Variants in CREBBP observed in about 807,000 individuals in gnomAD.
The protein encoded by CREBBP is CREB-binding protein.
Under a neutral mutation model 265.0 loss-of-function variants are expected in CREBBP, and 19 were observed. That is an observed-to-expected ratio of 0.07 (90% confidence interval 0.05 to 0.11). The LOEUF is 0.11. CREBBP is among the 10% of genes least tolerant of loss of function. The pLI is 1.00. For missense variants in CREBBP, 2,525 were observed against 3,219.0 expected, an observed-to-expected ratio of 0.78 and a Z score of 5.22; for synonymous variants, 1,457 against 1,223.7, an observed-to-expected ratio of 1.19 and a Z score of -3.98.
chr16:3,850,437 T>C lies in CREBBP; in HGVS notation c.658A>G (p.Arg220Gly). ...GTAGGGTACGGCATTCCAGCTCCCC[T>C]TCCTCTGCCAGCAGCCCCAAGAGAT... The part of the protein sequence containing the change: ...NGSLGAAGRG[R>G]GAGMPYPTPA... Residue 220 changes from arginine (R) to glycine (G), a missense_variant, in exon 2 of 31, where the codon AGG (arginine) becomes GGG (glycine). Transcript: ENST00000262367. 6.2e-7 allele frequency: 1 copy of C among 1,614,232 alleles called. No individual in the cohort carries two copies. The highest frequency in any genetic ancestry group is 8.5e-7 in the Non-Finnish European group (1 of 1,180,036).
In CREBBP at chr16:3,729,674, C is replaced by G. The variant is rs749762107; in HGVS notation, c.5373G>C (p.Ser1791=). The G allele has an allele frequency of 6.2e-7, 1 of 1,613,462 alleles. No individual in the cohort carries two copies. Among genetic ancestry groups the G allele is most frequent in the Admixed American group, 1.7e-5 (1 of 60,022 alleles). Residue 1791 remains serine, a synonymous_variant, in exon 31 of 31, where the codon TCG becomes TCC. Coordinates refer to ENST00000262367, the MANE Select transcript of CREBBP (RefSeq NM_004380.3). ...HACQCRNANC[S]LPSCQKMKRV... ...GCTTCATCTTCTGGCAGGATGGCAG[C>G]GAGCAGTTGGCGTTGCGGCACTGGC...
intron 5 of CREBBP, among the ~76,000 whole-genome samples, chr16:3,790,597 G>A (rs574449831): frequency 2.0e-5 from 3 of 152,118 alleles, no homozygotes; most frequent in South Asian, 4.2e-4. Flanking sequence ...TGATCTGCCC[G>A]CCTCGGCCTC....
At chr16:3,830,375 T>A (rs998071524) in intron 2 of CREBBP, among the ~76,000 whole-genome samples, 1 of 151,982 alleles carries the variant, frequency 6.6e-6, no homozygotes, top group East Asian at 1.9e-4. Flanking sequence ...GGACTGCAGC[T>A]TAGGTGAGAG....
intron 20 of CREBBP, 105 bp from the exon 21 acceptor site, chr16:3,749,788 A>C: frequency 1.4e-6 from 1 of 718,568 alleles, no homozygotes; most frequent in Non-Finnish European, 2.4e-6. Context: ...CTTCAAACAA[A>C]AAGACATGAT....
chr16:3,774,771 TAAGTAA>T (rs1475082798), intron 11 of CREBBP, 78 bp from the exon 12 acceptor site: 2 of 1,570,654 alleles, frequency 1.3e-6, no homozygotes, highest in East Asian at 4.5e-5. Context: ...AATAAACTCT[TAAGTAA>T]AATAAGATGG....
chr16:3,849,443 GTGT>G (rs1567360512), intron 2 of CREBBP, among the ~76,000 whole-genome samples: 489 of 20,038 alleles, frequency 0.024, 35 homozygotes, highest in East Asian at 0.076. Context: ...GTGTGTGTGT[GTGT>G]GTGTGTGTGT....
chr16:3,753,738 A>T (rs545379105), intron 19 of CREBBP, among the ~76,000 whole-genome samples: 41 of 152,198 alleles, frequency 2.7e-4, no homozygotes, highest in African/African-American at 9.6e-4. Context: ...ATACACAAAA[A>T]AGACATTCCC....
chr16:3,849,444 T>TGTGTGTGTGTGTG lies in CREBBP; in HGVS notation c.798+840_798+852dup, dbSNP rs2054766542. 8.0e-4 allele frequency among the ~76,000 whole-genome samples: 20 copies of TGTGTGTGTGTGTG among 24,878 alleles called. 2 individuals are homozygous for TGTGTGTGTGTGTG. The highest frequency in any genetic ancestry group is 4.9e-3 in the East Asian group (2 of 408). 16.3% of individuals were successfully genotyped at this position (24,878 alleles called of 152,430 possible). A position where few individuals can be genotyped will look rare whatever the true frequency, so the allele number is the denominator to read the frequency against. On this transcript the variant is annotated intron_variant, in intron 2 of 30. Coordinates refer to ENST00000262367, the MANE Select transcript of CREBBP (RefSeq NM_004380.3). ...GTGTGTGTGTGTGTGTGTGTGTGTG[T>TGTGTGTGTGTGTG]GTGTGTGTGTGTGTGTGTGTGTGTG...
chr16:3,809,841 G>A (rs1055640538), intron 3 of CREBBP, among the ~76,000 whole-genome samples: 3 of 151,828 alleles, frequency 2.0e-5, no homozygotes. Flanking sequence ...AATCACTATG[G>A]CAGCTGGGAA....
intron 1 of CREBBP, 99 bp from the exon 2 acceptor site, chr16:3,851,108 C>A: frequency 1.0e-6 from 1 of 961,392 alleles, no homozygotes; most frequent in Non-Finnish European, 1.6e-6. Context: ...GCATTCAGCA[C>A]GAACACTAGC....
At chr16:3,818,931 C>G (rs1433290489) in intron 2 of CREBBP, among the ~76,000 whole-genome samples, 1 of 152,248 alleles carries the variant, frequency 6.6e-6, no homozygotes, top group Non-Finnish European at 1.5e-5. Context: ...GAGAACTCAG[C>G]AGACGCTCCC....
intron 3 of CREBBP, among the ~76,000 whole-genome samples, chr16:3,800,509 T>A (rs763656393): frequency 2.6e-5 from 4 of 152,112 alleles, no homozygotes; most frequent in Non-Finnish European, 5.9e-5. Flanking sequence ...TTTTCCCAAT[T>A]TTTCCAAAAT....
chr16:3,776,008 C>T (rs1317970065), intron 11 of CREBBP, among the ~76,000 whole-genome samples: 1 of 152,032 alleles, frequency 6.6e-6, no homozygotes, highest in Non-Finnish European at 1.5e-5. Flanking sequence ...CCTCCGCCTC[C>T]TGGGTTCAAG....
At chr16:3,750,598 T>C (rs554337472) in intron 20 of CREBBP, among the ~76,000 whole-genome samples, 47 of 152,362 alleles carry the variant, frequency 3.1e-4, no homozygotes, top group Non-Finnish European at 5.9e-4. Flanking sequence ...TGCCACACAG[T>C]GGCCATTCTA....
At chr16:3,795,517 G>C (rs2053591315) in intron 3 of CREBBP, among the ~76,000 whole-genome samples, 1 of 152,052 alleles carries the variant, frequency 6.6e-6, no homozygotes, top group Admixed American at 6.5e-5. Flanking sequence ...TCAGATAGTG[G>C]GCTGGAATGA....
Position 3,728,357 on chromosome 16 carries a change from C to A in CREBBP, c.6690G>T (p.Gln2230His), listed in dbSNP as rs1233544107. The stretch of plus-strand genomic sequence containing the variant: ...CTCCGGGTCCTTGAGGCTGCTGGAA[C>A]TGGCCGTGCCCCGCCATGCCCCCAG... Reference protein sequence around the residue: ...GMAGGMAGHGQFQQPQGPGGY... With the variant: ...GMAGGMAGHGHFQQPQGPGGY... Residue 2230 changes from glutamine (Q) to histidine (H), a missense_variant, in exon 31 of 31, where the codon CAG becomes CAT. Physicochemically the swap from Gln to His is conservative, Grantham distance 24. Transcript: ENST00000262367. This position sits in a 1 kb window ranked among gnomAD's most constrained non-coding sequence, Gnocchi z 8.7. 1.2e-6 allele frequency: 2 copies of A among 1,609,526 alleles called. No individual in the cohort carries two copies. The highest frequency in any genetic ancestry group is 4.5e-5 in the East Asian group (2 of 44,620).
At chr16:3,868,606 G>A (rs539473027) in intron 1 of CREBBP, among the ~76,000 whole-genome samples, 8 of 152,094 alleles carry the variant, frequency 5.3e-5, no homozygotes, top group African/African-American at 1.9e-4. Flanking sequence ...ATGTTATCTC[G>A]CCTTCAGATG....
At chr16:3,760,884 T>G (rs2052701315) in intron 16 of CREBBP, among the ~76,000 whole-genome samples, 1 of 152,236 alleles carries the variant, frequency 6.6e-6, no homozygotes, top group Non-Finnish European at 1.5e-5. Flanking sequence ...GTGATTCTCC[T>G]GCCTCAGCCT....
chr16:3,772,255 G>T (rs1276657131), intron 13 of CREBBP, among the ~76,000 whole-genome samples: 1 of 150,074 alleles, frequency 6.7e-6, no homozygotes, highest in Non-Finnish European at 1.5e-5. Context: ...AAAAGTTATT[G>T]ACCATAAATA....
Sources: gnomAD v4.1 joint callset for allele counts (sites outside exome capture counted in the v4.1 genomes callset) on GRCh38, gnomAD v4.1.1 for gene constraint, Gnocchi (gnomAD v3.1) non-coding constraint, MANE v1.5 for transcripts, NCBI Gene and HGNC (gene_info 2026-07-23, HGNC 2026-07-21) for gene names.